Variants in USP37 observed in about 807,000 individuals in gnomAD.
The protein encoded by USP37 is ubiquitin specific peptidase 37.
USP37 carries 27 observed loss-of-function variants against 124.0 expected under a neutral mutation model. That is an observed-to-expected ratio of 0.22 (90% CI 0.16 to 0.30). The LOEUF (loss-of-function observed/expected upper bound fraction) is 0.30. USP37 is among the 10% of genes least tolerant of loss of function. USP37 has a pLI of 1.00. For synonymous variants in USP37, 365 were observed against 388.0 expected (o/e 0.94, Z 0.70); for missense variants, 889 against 1,140.4 (o/e 0.78, Z 3.17).
chr2:218,528,688 C>A, intron 10 of USP37: 1 of 428,282 alleles, frequency 2.3e-6, no homozygotes, highest in Non-Finnish European at 4.1e-6. Context: ...GGGCATTTGC[C>A]ATTACCCTCA....
chr2:218,530,167 T>C, intron 9 of USP37, 127 bp from the exon 10 acceptor site: 1 of 655,288 alleles, frequency 1.5e-6, no homozygotes, highest in East Asian at 2.8e-5. Context: ...AATACAGGAA[T>C]ACCTCATTTT....
chr2:218,497,669 C>T (rs1689151958), intron 13 of USP37, 65 bp downstream of exon 13: 3 of 1,593,790 alleles, frequency 1.9e-6, no homozygotes, highest in Admixed American at 1.7e-5. Context: ...TCCCAAAGTG[C>T]TGGAATTACA....
chr2:218,530,799 T>C (rs976495907), intron 9 of USP37, among the ~76,000 whole-genome samples: 1 of 152,138 alleles, frequency 6.6e-6, no homozygotes, highest in Admixed American at 6.5e-5. Context: ...AAAACAACCT[T>C]ATTGCTGATG....
At chr2:218,526,197 T>C (rs534226475) in intron 10 of USP37, among the ~76,000 whole-genome samples, 1 of 152,340 alleles carries the variant, frequency 6.6e-6, no homozygotes, top group South Asian at 2.1e-4. Flanking sequence ...TCTTTGGGTA[T>C]ATACCCAGTA....
In USP37 at chr2:218,454,729, G is replaced by T; in HGVS notation, c.*201C>A. 1 of 1,033,332 alleles carries T rather than the reference G, an allele frequency of 9.7e-7. No individual in the cohort carries two copies. The highest frequency in any genetic ancestry group is 1.3e-6 in the Non-Finnish European group (1 of 748,550). 64.0% of individuals were successfully genotyped at this position (1,033,332 alleles called of 1,614,324 possible). A position where few individuals can be genotyped will look rare whatever the true frequency, so the allele number is the denominator to read the frequency against. On this transcript the variant is annotated 3_prime_UTR_variant, in exon 26 of 26. Transcript: ENST00000258399. ...TCATAGGAGAAAAAGAGGATAATCA[G>T]CTACGGATGTGAGACCAAAGTTTCC...
intron 10 of USP37, among the ~76,000 whole-genome samples, chr2:218,517,249 G>A (rs1690344854): frequency 6.6e-6 from 1 of 152,036 alleles, no homozygotes. Flanking sequence ...TGTTATTGTT[G>A]TCATTTAAAC....
intron 5 of USP37, among the ~76,000 whole-genome samples, chr2:218,550,795 G>A (rs1692628731): frequency 6.6e-6 from 1 of 151,762 alleles, no homozygotes; most frequent in Non-Finnish European, 1.5e-5. Context: ...TTCTCTATTT[G>A]CAGTTTTTGT....
At chr2:218,544,430 T>TATATATATAGAGAGAGAG (rs377397246) in intron 8 of USP37, among the ~76,000 whole-genome samples, 4 of 50,822 alleles carry the variant, frequency 7.9e-5, no homozygotes, top group African/African-American at 1.3e-4. Context: ...TATATATATA[T>TATATATATAGAGAGAGAG]AGAGAGAGAG....
At position 218,482,146 on chromosome 2, in the gene USP37, A is replaced by G. The variant is rs776644694; in HGVS notation, c.1759T>C (p.Tyr587His). The G allele has an allele frequency of 6.2e-7, 1 of 1,614,042 alleles. No homozygotes were observed. The highest frequency in any genetic ancestry group is 8.5e-7 in the Non-Finnish European group (1 of 1,179,926). The part of the protein sequence containing the change: ...KIGQQVIIPR[Y>H]LTLSSHCTEN... The stretch of plus-strand genomic sequence containing the variant: ...GTGCAATGAGATGACAGGGTCAGGT[A>G]TCTTGGAATGATGACTTGCTGCCCA... Residue 587 changes from tyrosine (Y) to histidine (H), a missense_variant, in exon 17 of 26, where the codon TAC becomes CAC. By Grantham distance (83) the Tyr-to-His change is moderately conservative. Around this residue, in one of 3 missense-constraint regions of USP37, gnomAD observed 504 missense variants for 714.3 expected, o/e 0.71. Coordinates refer to ENST00000258399, the MANE Select transcript of USP37 (RefSeq NM_020935.3).
At chr2:218,540,243 T>C (rs1432262389) in intron 8 of USP37, among the ~76,000 whole-genome samples, 1 of 152,114 alleles carries the variant, frequency 6.6e-6, no homozygotes, top group East Asian at 1.9e-4. Context: ...GCATATACAG[T>C]GTGGAGCCAC....
rs549738507 is a variant in USP37, at chr2:218,463,684, C to T, written c.2467-318G>A. Among the ~76,000 whole-genome samples, 11 of 150,364 alleles carry T rather than the reference C, an allele frequency of 7.3e-5. No homozygotes were observed. The East Asian group carries it at 1.4e-3, about 19-fold the overall frequency. On this transcript the variant is annotated intron_variant, in intron 21 of 25. Coordinates refer to ENST00000258399, the MANE Select transcript of USP37 (RefSeq NM_020935.3). The stretch of plus-strand genomic sequence containing the variant: ...CCAAGTAGCTGGGACTACAGGCGCC[C>T]GCCACCACGTCTAGCTAATTTTTTG...
intron 10 of USP37, chr2:218,528,899 T>C (rs950951674): frequency 1.5e-4 from 57 of 381,028 alleles, no homozygotes; most frequent in Admixed American, 1.3e-3. Context: ...AATTTATTAA[T>C]AAAAGACATT....
At chr2:218,511,135 A>G (rs1689961644) in intron 10 of USP37, among the ~76,000 whole-genome samples, 1 of 151,920 alleles carries the variant, frequency 6.6e-6, no homozygotes, top group Non-Finnish European at 1.5e-5. Context: ...TTGCTTTCCT[A>G]TAGAGTAGGT....
At chr2:218,461,421 G>C (rs566595211) in intron 22 of USP37, among the ~76,000 whole-genome samples, 1 of 151,650 alleles carries the variant, frequency 6.6e-6, no homozygotes, top group Non-Finnish European at 1.5e-5. Flanking sequence ...CAGGAGAATC[G>C]CTTGAACTCA....
intron 20 of USP37, among the ~76,000 whole-genome samples, chr2:218,468,376 A>C (rs1339435938): frequency 6.7e-6 from 1 of 149,268 alleles, no homozygotes; most frequent in Non-Finnish European, 1.5e-5. Context: ...AGCATGCACC[A>C]CCATGCCCAG....
rs1248160197 is a variant in USP37 at position 218,454,144 on chromosome 2, A to G, written c.*786T>C. 6.5e-6 allele frequency: 1 copy of G among 152,686 alleles called. No individual in the cohort carries two copies. 9.5% of individuals were successfully genotyped at this position (152,686 alleles called of 1,614,324 possible). ...AATGATGATGATATATGATGAACAT[A>G]CTGTGTGAAGAAATCTCCTTAGAGA... On this transcript the variant is annotated 3_prime_UTR_variant, in exon 26 of 26. Transcript: ENST00000258399.
At position 218,451,743 on chromosome 2, in the gene USP37, TC is replaced by T. The variant is rs1689485766; in HGVS notation, c.*3186del. The T allele has an allele frequency of 6.6e-6, 1 of 152,544 alleles. No individual in the cohort carries two copies. Among genetic ancestry groups the T allele is most frequent in the East Asian group, 1.9e-4 (1 of 5,200 alleles). The allele number at this position is 152,544 out of a possible 1,614,324, so 9.4% of individuals were successfully genotyped here. ...TAAATGTGTAGTCTAACATTTGCTT[TC>T]TGGAGTTAATTAACTGATCTGTAAG... On this transcript the variant is annotated 3_prime_UTR_variant, in exon 26 of 26. Transcript: ENST00000258399.
chr2:218,467,256 C>T (rs1314477295), intron 20 of USP37, among the ~76,000 whole-genome samples: 4 of 151,314 alleles, frequency 2.6e-5, no homozygotes, highest in African/African-American at 4.9e-5. Context: ...GCAATTCTCC[C>T]GCCTCAGACT....
At chr2:218,544,428 TATAGAG>T (rs1189157579) in intron 8 of USP37, among the ~76,000 whole-genome samples, 53 of 50,062 alleles carry the variant, frequency 1.1e-3, no homozygotes, top group South Asian at 3.0e-3. Flanking sequence ...TATATATATA[TATAGAG>T]AGAGAGAGAG....
Sources: gnomAD v4.1 joint callset for allele counts (sites outside exome capture counted in the v4.1 genomes callset) on GRCh38, gnomAD v4.1.1 for gene constraint, gnomAD v4.1.1 regional missense constraint, MANE v1.5 for transcripts, NCBI Gene and HGNC (gene_info 2026-07-23, HGNC 2026-07-21) for gene names.